SKP2: variants seen among roughly 807,000 people sequenced by gnomAD.
SKP2 encodes S-phase kinase-associated protein 2.
In SKP2, 16 loss-of-function variants were observed where a neutral mutation model predicts 51.8. The observed-to-expected ratio is 0.31, with a 90% CI of 0.21 to 0.47. The LOEUF (loss-of-function observed/expected upper bound fraction) is 0.47, where lower values mean the gene tolerates loss of function less well. SKP2 is among the 20% of genes least tolerant of loss of function. The probability of loss-of-function intolerance (pLI) is 1.00; values close to 1 mark genes in which losing one functional copy is unlikely to be tolerated. For synonymous variants in SKP2, 176 were observed against 198.6 expected, an observed-to-expected ratio of 0.89 and a Z score of 0.96; for missense variants, 377 against 505.3, an observed-to-expected ratio of 0.75 and a Z score of 2.43.
intron 9 of SKP2, 113 bp from the exon 10 acceptor site, chr5:36,181,705 C>CT: frequency 9.3e-7 from 1 of 1,072,554 alleles, no homozygotes; most frequent in Admixed American, 2.1e-5. Context: ...GTAAATTACA[C>CT]TTTCAGACTG....
chr5:36,183,970 G>T lies in SKP2; in HGVS notation c.*1939G>T, dbSNP rs140524103. 268 of 1,606,856 alleles carry T rather than the reference G, an allele frequency of 1.7e-4. No homozygotes were observed. The highest frequency in any genetic ancestry group is 2.7e-4 in the Admixed American group (16 of 59,188). On this transcript the variant is annotated 3_prime_UTR_variant, in exon 10 of 10. Coordinates refer to ENST00000274255, the MANE Select transcript of SKP2 (RefSeq NM_005983.4). Reference sequence around the variant, plus strand: ...ACATGTCAGAGTAATCTGTATTTTTGTATGTGATTTCTACTTTTATAGACT... The same window carrying T: ...ACATGTCAGAGTAATCTGTATTTTTTTATGTGATTTCTACTTTTATAGACT...
rs1327037573 is a variant in SKP2 at position 36,163,664 on chromosome 5, T to C, written c.300T>C (p.Leu100=). The C allele has an allele frequency of 6.2e-7, 1 of 1,613,580 alleles. No homozygotes were observed. The highest frequency in any genetic ancestry group is 8.5e-7 in the Non-Finnish European group (1 of 1,179,488). ...CCAAAGGTGTTTCATGGGACTCCCT[T>C]CCGGATGAGCTGCTCTTGGGAATCT... is the stretch of plus-strand genomic sequence containing the variant. ...ENFPGVSWDS[L]PDELLLGIFS... Residue 100 remains leucine, a synonymous_variant, in exon 3 of 10, where the codon CTT becomes CTC. Coordinates refer to ENST00000274255, the MANE Select transcript of SKP2 (RefSeq NM_005983.4).
chr5:36,189,437 C>T (rs1433929759), intron 6 of SKP2, among the ~76,000 whole-genome samples: 1 of 152,198 alleles, frequency 6.6e-6, no homozygotes, highest in Non-Finnish European at 1.5e-5. Flanking sequence ...TTCCTTCTAA[C>T]AGTCAGGACC....
intron 2 of SKP2, among the ~76,000 whole-genome samples, chr5:36,162,238 C>T (rs1745143894): frequency 7.8e-6 from 1 of 128,912 alleles, no homozygotes; most frequent in Non-Finnish European, 1.7e-5. Flanking sequence ...TGGCTGCTCT[C>T]TGATTTTTCT....
At chr5:36,154,279 T>C (rs1744868373) in intron 2 of SKP2, among the ~76,000 whole-genome samples, 1 of 151,944 alleles carries the variant, frequency 6.6e-6, no homozygotes, top group Non-Finnish European at 1.5e-5. Context: ...CATGCAAATA[T>C]CTTGGAGAAA....
Position 36,184,022 on chromosome 5 carries a change from T to A in SKP2, c.*1991T>A. On this transcript the variant is annotated 3_prime_UTR_variant, in exon 10 of 10. Transcript: ENST00000274255. ...GTTTTAAAACAATAAAACACATTTT[T>A]ATAAAAATGAGTGCTTAAACTAAGT... is the stretch of plus-strand genomic sequence containing the variant. 7.3e-7 allele frequency: 1 copy of A among 1,365,696 alleles called. No homozygotes were observed. The allele number at this position is 1,365,696 out of a possible 1,614,324, so 84.6% of individuals were successfully genotyped here. A position where few individuals can be genotyped will look rare whatever the true frequency, so the allele number is the denominator to read the frequency against.
intron 3 of SKP2, among the ~76,000 whole-genome samples, chr5:36,165,717 G>C (rs1745262652): frequency 6.6e-6 from 1 of 152,092 alleles, no homozygotes; most frequent in African/African-American, 2.4e-5. Context: ...CTTATTTCAA[G>C]CACTATTAAA....
intron 7 of SKP2, among the ~76,000 whole-genome samples, chr5:36,172,627 GA>G (rs1377574291): frequency 6.6e-6 from 1 of 152,038 alleles, no homozygotes; most frequent in Admixed American, 6.6e-5. Context: ...TTATTATTCT[GA>G]AAAAGATTTG....
intron 2 of SKP2, among the ~76,000 whole-genome samples, chr5:36,154,649 C>G (rs908412707): frequency 1.4e-4 from 21 of 152,220 alleles, no homozygotes; most frequent in Admixed American, 9.2e-4. Context: ...CTGCCTCAGC[C>G]TCCTAAGTAA....
chr5:36,177,543 T>C (rs1208243775), intron 9 of SKP2: 3 of 508,040 alleles, frequency 5.9e-6, no homozygotes, highest in South Asian at 3.7e-5. Flanking sequence ...TCTTAGTATC[T>C]ATGAGAAGAC....
chr5:36,184,117 C>A lies in SKP2; in HGVS notation c.*2086C>A. 1.5e-6 allele frequency: 1 copy of A among 646,710 alleles called. No homozygotes were observed. Among genetic ancestry groups the A allele is most frequent in the Admixed American group, 3.2e-5 (1 of 31,014 alleles). The allele number at this position is 646,710 out of a possible 1,614,324, so 40.1% of individuals were successfully genotyped here. The stretch of plus-strand genomic sequence containing the variant: ...ATTTGAAAGCATTTAGTGTGGTATG[C>A]CATTTGGCTTAGATACCTCTAAATA... On this transcript the variant is annotated 3_prime_UTR_variant, in exon 10 of 10. Transcript: ENST00000274255.
At chr5:36,177,590 A>T (rs1472229648) in intron 9 of SKP2, among the ~76,000 whole-genome samples, 5 of 151,922 alleles carry the variant, frequency 3.3e-5, no homozygotes, top group African/African-American at 1.2e-4. Context: ...TTCCTCCAGG[A>T]AACTTGAAGT....
intron 6 of SKP2, among the ~76,000 whole-genome samples, chr5:36,191,461 CCTGT>C (rs1746023146): frequency 6.6e-6 from 1 of 150,984 alleles, no homozygotes; most frequent in Non-Finnish European, 1.5e-5. Context: ...CAGATACATA[CCTGT>C]CTGTTTCATT....
Position 36,182,262 on chromosome 5 carries a change from A to T in SKP2, c.*231A>T, listed in dbSNP as rs954132075. 3 of 1,290,808 alleles carry T rather than the reference A, an allele frequency of 2.3e-6. No homozygotes were observed. Among genetic ancestry groups the T allele is most frequent in the Non-Finnish European group, 2.9e-6 (3 of 1,019,124 alleles). The allele number at this position is 1,290,808 out of a possible 1,614,324, so 80.0% of individuals were successfully genotyped here. ...AGAGCCAAAGTTGTAGGCCTTTTGA[A>T]ATTTTAGGAGAGTGAGCCTATAATT... On this transcript the variant is annotated 3_prime_UTR_variant, in exon 10 of 10. Transcript: ENST00000274255.
chr5:36,156,263 G>T (rs190799392), intron 2 of SKP2, among the ~76,000 whole-genome samples: 8 of 152,250 alleles, frequency 5.3e-5, no homozygotes, highest in African/African-American at 1.7e-4. Context: ...GGAAGCCTGG[G>T]CCTCCAGTGG....
At chr5:36,165,962 G>A (rs915335831) in intron 3 of SKP2, among the ~76,000 whole-genome samples, 4 of 152,092 alleles carry the variant, frequency 2.6e-5, no homozygotes, top group Non-Finnish European at 5.9e-5. Context: ...ATATACACGT[G>A]TATGTTTTAA....
rs1406637534 is a variant in SKP2, at chr5:36,177,174, CT to C, written c.954-9del. ...TGATTTTCAATATCTTTTCTTCTGC[CT>C]TCTTAACAGTGATAGTGTCATGCTA... On this transcript the variant is annotated splice_polypyrimidine_tract_variant and intron_variant, in intron 8 of 9. Transcript: ENST00000274255. The C allele has an allele frequency of 2.2e-5, 34 of 1,564,186 alleles. No homozygotes were observed. The highest frequency in any genetic ancestry group is 2.7e-5 in the Non-Finnish European group (31 of 1,135,468).
chr5:36,180,348 A>G, intron 9 of SKP2: 1 of 896,856 alleles, frequency 1.1e-6, no homozygotes, highest in Non-Finnish European at 1.6e-6. Context: ...CAGTGTTTCT[A>G]CATTCCAGAA....
At chr5:36,185,179 A>G (rs1165960135), downstream of SKP2, among the ~76,000 whole-genome samples, 1 of 152,092 alleles carries the variant, frequency 6.6e-6, no homozygotes, top group Admixed American at 6.5e-5. Context: ...AGATGAGTAG[A>G]TTGCAAAAAT....
Sources: allele counts gnomAD v4.1 joint callset (sites outside exome capture counted in the v4.1 genomes callset), GRCh38; gene constraint gnomAD v4.1.1; transcripts MANE v1.5; gene names NCBI Gene and HGNC (gene_info 2026-07-23, HGNC 2026-07-21).